The following SPIN1 variants were observed in gnomAD, a reference collection of about 807,000 sequenced individuals.
The protein encoded by SPIN1 is spindlin 1.
In SPIN1, 3 loss-of-function variants were observed where a neutral mutation model predicts 26.0. That is an observed-to-expected ratio of 0.12 (90% CI 0.05 to 0.30). The LOEUF (loss-of-function observed/expected upper bound fraction) is 0.30. Among genes scored for constraint, SPIN1 ranks in the 10% least tolerant of loss-of-function variants. The pLI, the probability that SPIN1 is intolerant of heterozygous loss-of-function variation, is 1.00. For missense variants in SPIN1, 126 were observed against 333.4 expected (o/e 0.38, Z 4.84); for synonymous variants, 101 against 116.5 (o/e 0.87, Z 0.86).
chr9:88,449,078 T>A (rs1828308580), intron 3 of SPIN1, 89 bp downstream of exon 3: 3 of 1,266,816 alleles, frequency 2.4e-6, no homozygotes, highest in Non-Finnish European at 3.4e-6. Flanking sequence ...CCTCCTCCCC[T>A]GTGATCGAGG....
chr9:88,437,992 A>T (rs1371390432), intron 2 of SPIN1, among the ~76,000 whole-genome samples: 2 of 151,998 alleles, frequency 1.3e-5, no homozygotes, highest in African/African-American at 4.8e-5. Flanking sequence ...TCTCTACTAA[A>T]AATAGAAAGA....
chr9:88,401,670 A>C (rs149946141), intron 1 of SPIN1, among the ~76,000 whole-genome samples: 1 of 152,338 alleles, frequency 6.6e-6, no homozygotes, highest in South Asian at 2.1e-4. Context: ...CATTTCCCAA[A>C]TGTTGAAAAT....
intron 2 of SPIN1, among the ~76,000 whole-genome samples, chr9:88,438,112 C>A (rs1445847993): frequency 6.6e-6 from 1 of 151,658 alleles, no homozygotes; most frequent in South Asian, 2.1e-4. Context: ...GATCATGCTG[C>A]TGCACTCCAG....
At chr9:88,431,537 G>A (rs187886322) in intron 2 of SPIN1, among the ~76,000 whole-genome samples, 100 of 152,164 alleles carry the variant, frequency 6.6e-4, no homozygotes, top group Middle Eastern at 3.4e-3. Flanking sequence ...TGATCCACCC[G>A]CCTCGGCCTC....
At chr9:88,420,500 G>A (rs2117999695) in intron 1 of SPIN1, among the ~76,000 whole-genome samples, 1 of 152,346 alleles carries the variant, frequency 6.6e-6, no homozygotes, top group East Asian at 1.9e-4. Flanking sequence ...AAAAGTTTAA[G>A]GTCTTGCTTA....
intron 1 of SPIN1, among the ~76,000 whole-genome samples, chr9:88,398,320 G>A (rs1385251299): frequency 6.6e-6 from 1 of 151,998 alleles, no homozygotes; most frequent in Non-Finnish European, 1.5e-5. Context: ...GAATTACAAT[G>A]TTATATTAGT....
intron 2 of SPIN1, among the ~76,000 whole-genome samples, chr9:88,445,383 C>T (rs1587803747): frequency 1.3e-5 from 2 of 152,060 alleles, no homozygotes; most frequent in South Asian, 4.2e-4. Flanking sequence ...CTGTCCACGT[C>T]TCAGTGCGTA....
intron 2 of SPIN1, among the ~76,000 whole-genome samples, chr9:88,433,520 A>G (rs142647796): frequency 7.2e-4 from 110 of 152,350 alleles, no homozygotes; most frequent in Middle Eastern, 6.8e-3. Flanking sequence ...CTAGGAAGAC[A>G]TCAAGATGAT....
intron 3 of SPIN1, 90 bp downstream of exon 3, chr9:88,449,079 G>T: frequency 8.2e-7 from 1 of 1,213,726 alleles, no homozygotes; most frequent in Non-Finnish European, 1.2e-6. Context: ...CTCCTCCCCT[G>T]TGATCGAGGG....
At position 88,394,409 on chromosome 9, in the gene SPIN1, A is replaced by G. The variant is rs577279284; in HGVS notation, c.-159+5871A>G. On this transcript the variant is annotated intron_variant, in intron 1 of 5. Transcript: ENST00000375859. The stretch of plus-strand genomic sequence containing the variant: ...CTGGGTGTTATATGTTCTTACTGTT[A>G]GAATGCCCATGCTTTTATTGGACAG... Among the ~76,000 whole-genome samples, 4 of 152,342 alleles carry G rather than the reference A, an allele frequency of 2.6e-5. No individual in the cohort carries two copies. The East Asian group carries it at 7.7e-4, about 29-fold the overall frequency.
intron 1 of SPIN1, chr9:88,416,509 T>C (rs571458841): frequency 6.6e-6 from 1 of 152,310 alleles, no homozygotes; most frequent in South Asian, 2.1e-4. Flanking sequence ...TTAATAATAA[T>C]GTCTTAGTTA....
intron 1 of SPIN1, among the ~76,000 whole-genome samples, chr9:88,420,512 G>T (rs990260579): frequency 6.6e-6 from 1 of 152,246 alleles, no homozygotes; most frequent in Non-Finnish European, 1.5e-5. Context: ...TCTTGCTTAT[G>T]TAGGCAGAAA....
chr9:88,450,780 A>G (rs969863326), intron 3 of SPIN1, among the ~76,000 whole-genome samples: 17 of 152,232 alleles, frequency 1.1e-4, no homozygotes, highest in African/African-American at 3.1e-4. Flanking sequence ...CCTATTCTCA[A>G]TGTGAATCTG....
intron 1 of SPIN1, among the ~76,000 whole-genome samples, chr9:88,412,449 G>T (rs1364346018): frequency 6.6e-6 from 1 of 152,054 alleles, no homozygotes; most frequent in East Asian, 1.9e-4. Context: ...TGATCCTTGC[G>T]GGTGGCCTTC....
At chr9:88,392,096 C>T (rs1427668274) in intron 1 of SPIN1, among the ~76,000 whole-genome samples, 1 of 152,140 alleles carries the variant, frequency 6.6e-6, no homozygotes, top group African/African-American at 2.4e-5. Context: ...TTATAGAGTT[C>T]TCAGTACAGT....
At chr9:88,427,031 A>G (rs1274554707) in intron 2 of SPIN1, among the ~76,000 whole-genome samples, 1 of 152,174 alleles carries the variant, frequency 6.6e-6, no homozygotes, top group African/African-American at 2.4e-5. Flanking sequence ...ATTCATTCTT[A>G]TTTTTGTGGC....
chr9:88,390,564 C>G (rs1564018689), intron 1 of SPIN1, among the ~76,000 whole-genome samples: 1 of 152,100 alleles, frequency 6.6e-6, no homozygotes, highest in Non-Finnish European at 1.5e-5. Context: ...AAAATATTTG[C>G]TGAGATAGCA....
At chr9:88,444,236 A>ATTTTTTT (rs745590731) in intron 2 of SPIN1, among the ~76,000 whole-genome samples, 2 of 102,430 alleles carry the variant, frequency 2.0e-5, no homozygotes, top group African/African-American at 4.3e-5. Flanking sequence ...TCTTGTTCCC[A>ATTTTTTT]TTTTTTTTTT....
At chr9:88,469,825 C>T (rs980733855) in intron 5 of SPIN1, among the ~76,000 whole-genome samples, 5 of 152,176 alleles carry the variant, frequency 3.3e-5, no homozygotes, top group Admixed American at 6.6e-5. Context: ...TGAGCCATTA[C>T]GACCATGTTA....
Sources: gnomAD v4.1 joint callset for allele counts (sites outside exome capture counted in the v4.1 genomes callset) on GRCh38, gnomAD v4.1.1 for gene constraint, MANE v1.5 for transcripts, NCBI Gene and HGNC (gene_info 2026-07-23, HGNC 2026-07-21) for gene names.